The following PIAS1 variants were observed in gnomAD, a reference collection of about 807,000 sequenced individuals.
PIAS1 encodes E3 SUMO-protein ligase PIAS1.
Under a neutral mutation model 71.3 loss-of-function variants are expected in PIAS1, and 6 were observed. The ratio of observed to expected loss-of-function variants is 0.08; its 90% CI spans 0.05 to 0.17. The LOEUF (loss-of-function observed/expected upper bound fraction) is 0.17, where lower values mean the gene tolerates loss of function less well. Among genes scored for constraint, PIAS1 ranks in the 10% least tolerant of loss-of-function variants. The probability of loss-of-function intolerance (pLI) is 1.00; values close to 1 mark genes in which losing one functional copy is unlikely to be tolerated. For synonymous variants in PIAS1, 303 were observed against 292.9 expected (o/e 1.03, Z -0.35); for missense variants, 555 against 793.6 (o/e 0.70, Z 3.61).
At chr15:68,118,221 T>C (rs1333564712) in intron 2 of PIAS1, among the ~76,000 whole-genome samples, 5 of 151,674 alleles carry the variant, frequency 3.3e-5, no homozygotes, top group African/African-American at 9.7e-5. Context: ...CTCTGGAGGC[T>C]AAGACATGAG....
At chr15:68,112,508 A>G (rs1185792673) in intron 2 of PIAS1, among the ~76,000 whole-genome samples, 2 of 152,116 alleles carry the variant, frequency 1.3e-5, no homozygotes, top group African/African-American at 2.4e-5. Flanking sequence ...TGACCATTAT[A>G]CCACCAAAAA....
intron 2 of PIAS1, among the ~76,000 whole-genome samples, chr15:68,124,384 G>T (rs1301169062): frequency 1.4e-5 from 2 of 147,220 alleles, no homozygotes; most frequent in African/African-American, 2.5e-5. Flanking sequence ...TTGGGTTGTG[G>T]TTTTTTTTGT....
rs571803575 is a variant in PIAS1, at chr15:68,091,362, AAC to A, written c.469+4616_469+4617del. Among the ~76,000 whole-genome samples the A allele has an allele frequency of 6.7e-3, 1,018 of 152,266 alleles. 6 individuals carry two copies. The highest frequency in any genetic ancestry group is 9.9e-3 in the Non-Finnish European group (672 of 68,010). On this transcript the variant is annotated intron_variant, in intron 2 of 13. Transcript: ENST00000249636. Reference sequence around the variant, plus strand: ...GGCTTTGTTAGAACATAATGGCAAAAACACAGAATACTTTCATGGTAAATAAA... The same window carrying A: ...GGCTTTGTTAGAACATAATGGCAAAAACAGAATACTTTCATGGTAAATAAA...
At chr15:68,083,090 G>GAAGT (rs2092243698) in intron 1 of PIAS1, among the ~76,000 whole-genome samples, 1 of 151,538 alleles carries the variant, frequency 6.6e-6, no homozygotes, top group African/African-American at 2.4e-5. Context: ...AGGAAGTAAT[G>GAAGT]ATTTCTAATA....
chr15:68,148,962 G>T (rs2092827288), intron 6 of PIAS1, among the ~76,000 whole-genome samples: 1 of 152,040 alleles, frequency 6.6e-6, no homozygotes, highest in Admixed American at 6.5e-5. Flanking sequence ...AAAGTCGAGG[G>T]CTAAGAGAAA....
intron 11 of PIAS1, 63 bp downstream of exon 11, chr15:68,176,717 A>G (rs1428271178): frequency 6.4e-6 from 7 of 1,085,982 alleles, no homozygotes; most frequent in Non-Finnish European, 5.2e-6. Context: ...AATAGGGATT[A>G]AAGACTTGCC....
At chr15:68,176,179 CTA>C (rs1450402836) in intron 10 of PIAS1, among the ~76,000 whole-genome samples, 1 of 152,040 alleles carries the variant, frequency 6.6e-6, no homozygotes, top group Non-Finnish European at 1.5e-5. Flanking sequence ...ATGTCAGATA[CTA>C]TACAGACAAA....
chr15:68,157,906 C>G (rs2141069202), intron 7 of PIAS1, among the ~76,000 whole-genome samples: 1 of 152,276 alleles, frequency 6.6e-6, no homozygotes, highest in African/African-American at 2.4e-5. Context: ...AACTTACTCC[C>G]TAAATATTTC....
intron 2 of PIAS1, among the ~76,000 whole-genome samples, chr15:68,100,142 AT>A (rs1233348133): frequency 1.3e-5 from 2 of 151,498 alleles, no homozygotes; most frequent in Non-Finnish European, 2.9e-5. Context: ...ATAATTACAG[AT>A]TTGTAGGAAG....
chr15:68,068,807 A>C (rs534645499), intron 1 of PIAS1, among the ~76,000 whole-genome samples: 2 of 151,950 alleles, frequency 1.3e-5, no homozygotes, highest in East Asian at 3.9e-4. Context: ...TCATCCACGA[A>C]GAAGTTGAAT....
intron 7 of PIAS1, among the ~76,000 whole-genome samples, chr15:68,163,597 T>TA (rs1449510002): frequency 2.6e-5 from 4 of 152,218 alleles, no homozygotes; most frequent in Non-Finnish European, 2.9e-5. Flanking sequence ...TTGGACCATC[T>TA]AAAAAAATCC....
rs1205293549 is a variant in PIAS1 at position 68,167,294 on chromosome 15, TAGTA to T, written c.1008+2493_1008+2496del. Reference sequence around the variant, plus strand: ...ATAATCCCTTACAGTTATTCTGAAATAGTAAGATCATGTATTTTAGGTATGTTTT... The same window carrying T: ...ATAATCCCTTACAGTTATTCTGAAATAGATCATGTATTTTAGGTATGTTTT... On this transcript the variant is annotated intron_variant, in intron 8 of 13. Transcript: ENST00000249636. The surrounding 1 kb of genome is among the most constrained non-coding windows in gnomAD (Gnocchi z 4.4). Among the ~76,000 whole-genome samples, 1 of 152,186 alleles carries T rather than the reference TAGTA, an allele frequency of 6.6e-6. No individual in the cohort carries two copies. The highest frequency in any genetic ancestry group is 2.4e-5 in the African/African-American group (1 of 41,444).
At chr15:68,140,377 C>T (rs2092762183) in intron 2 of PIAS1, among the ~76,000 whole-genome samples, 1 of 152,198 alleles carries the variant, frequency 6.6e-6, no homozygotes, top group Non-Finnish European at 1.5e-5. Flanking sequence ...GATAGAGATA[C>T]ATCCTCTAAG....
intron 6 of PIAS1, among the ~76,000 whole-genome samples, chr15:68,147,657 A>G (rs977296679): frequency 1.3e-5 from 2 of 151,994 alleles, no homozygotes; most frequent in African/African-American, 4.8e-5. Flanking sequence ...TTCCCAAGCT[A>G]TGGAATTATT....
At chr15:68,151,742 C>T (rs1026719103) in intron 6 of PIAS1, among the ~76,000 whole-genome samples, 3 of 148,396 alleles carry the variant, frequency 2.0e-5, no homozygotes, top group African/African-American at 5.1e-5. Flanking sequence ...CACTTGTAGT[C>T]CCAGTTACTT....
rs558130203 is a variant in PIAS1, at chr15:68,123,223, T to C, written c.470-18723T>C. Among the ~76,000 whole-genome samples, 159 of 150,302 alleles carry C rather than the reference T, an allele frequency of 1.1e-3. 1 individual carries two copies. Among genetic ancestry groups the C allele is most frequent in the Non-Finnish European group, 1.7e-3 (115 of 66,920 alleles). ...GTGAGCCACCATGCCTGGCACATTTTTAAAACTTTTTGTAGAGAGTGTCTT... is the reference window on the plus strand; with the variant it reads ...GTGAGCCACCATGCCTGGCACATTTCTAAAACTTTTTGTAGAGAGTGTCTT... On this transcript the variant is annotated intron_variant, in intron 2 of 13. Coordinates refer to ENST00000249636, the MANE Select transcript of PIAS1 (RefSeq NM_016166.3).
chr15:68,054,324 A>G lies in PIAS1; in HGVS notation c.-3A>G. 6.4e-7 allele frequency: 1 copy of G among 1,572,252 alleles called. No individual in the cohort carries two copies. The highest frequency in any genetic ancestry group is 8.6e-7 in the Non-Finnish European group (1 of 1,159,562). ...TCACTGCGCTTGCGCTGACAGACGC[A>G]AGATGGCGGACAGTGCGGAACTAAA... On this transcript the variant is annotated 5_prime_UTR_variant, in exon 1 of 14. Coordinates refer to ENST00000249636, the MANE Select transcript of PIAS1 (RefSeq NM_016166.3). The surrounding 1 kb of genome is among the most constrained non-coding windows in gnomAD (Gnocchi z 4.6).
At chr15:68,111,054 T>C (rs957851892) in intron 2 of PIAS1, among the ~76,000 whole-genome samples, 3 of 152,222 alleles carry the variant, frequency 2.0e-5, no homozygotes, top group Non-Finnish European at 4.4e-5. Flanking sequence ...TTTGTTTGCT[T>C]ATGGTTATCT....
chr15:68,113,362 T>C (rs959099598), intron 2 of PIAS1, among the ~76,000 whole-genome samples: 2 of 152,174 alleles, frequency 1.3e-5, no homozygotes, highest in Admixed American at 6.5e-5. Flanking sequence ...ATGAAAGTTT[T>C]GCAAAAGAAA....
Sources: gnomAD v4.1 joint callset for allele counts (sites outside exome capture counted in the v4.1 genomes callset) on GRCh38, gnomAD v4.1.1 for gene constraint, Gnocchi (gnomAD v3.1) non-coding constraint, MANE v1.5 for transcripts, NCBI Gene and HGNC (gene_info 2026-07-23, HGNC 2026-07-21) for gene names.